The following ALKBH1 variants were observed in gnomAD, a reference collection of about 807,000 sequenced individuals.
The protein encoded by ALKBH1 is nucleic acid dioxygenase ALKBH1.
A neutral mutation model predicts 36.6 loss-of-function variants in ALKBH1; 31 were observed. The observed-to-expected ratio is 0.85, with a 90% confidence interval of 0.64 to 1.14. The LOEUF (loss-of-function observed/expected upper bound fraction) is 1.14. ALKBH1 is among the 50% of genes most tolerant of loss of function. The probability of loss-of-function intolerance (pLI) is 0.00; values close to 1 mark genes in which losing one functional copy is unlikely to be tolerated. For synonymous variants in ALKBH1, 183 were observed against 186.6 expected, an observed-to-expected ratio of 0.98 and a Z score of 0.16; for missense variants, 490 against 497.3, an observed-to-expected ratio of 0.99 and a Z score of 0.14.
intron 2 of ALKBH1, among the ~76,000 whole-genome samples, chr14:77,696,387 A>G (rs2080327186): frequency 1.3e-5 from 2 of 152,060 alleles, no homozygotes; most frequent in Admixed American, 1.3e-4. Flanking sequence ...ACGGGGTTTC[A>G]CCATATTGGC....
At chr14:77,680,079 C>A in intron 3 of ALKBH1, 109 bp from the exon 4 acceptor site, 1 of 777,082 alleles carries the variant, frequency 1.3e-6, no homozygotes, top group Non-Finnish European at 2.2e-6. Flanking sequence ...AAGCCGTTAG[C>A]CAAGACTCAG....
chr14:77,679,343 A>C (rs1473251074), intron 4 of ALKBH1, among the ~76,000 whole-genome samples: 1 of 152,222 alleles, frequency 6.6e-6, no homozygotes, highest in Non-Finnish European at 1.5e-5. Flanking sequence ...TCTTGAAAAG[A>C]GTTCTATATT....
Position 77,679,253 on chromosome 14 carries a change from TAAAAA to T in ALKBH1, c.546+622_546+626del, listed in dbSNP as rs527446912. Among the ~76,000 whole-genome samples the T allele has an allele frequency of 8.1e-3, 1,229 of 151,484 alleles. 18 individuals are homozygous for T. Among genetic ancestry groups the T allele is most frequent in the African/African-American group, 0.029 (1,180 of 41,288 alleles). ...GTGGCTTTTGTTGCACAATAAAAAT[TAAAAA>T]AAAGAAAAAGAAAAAGAAAAATATA... On this transcript the variant is annotated intron_variant, in intron 4 of 5. Transcript: ENST00000216489.
chr14:77,686,467 C>G (rs1358656105), intron 3 of ALKBH1, among the ~76,000 whole-genome samples: 4 of 152,016 alleles, frequency 2.6e-5, no homozygotes, highest in African/African-American at 9.7e-5. Flanking sequence ...AAAAAAGAAA[C>G]ATGCTATGCT....
rs1392256830 is a variant in ALKBH1, at chr14:77,676,090, G to A, written c.547-241C>T. Among the ~76,000 whole-genome samples, 4 of 150,198 alleles carry A rather than the reference G, an allele frequency of 2.7e-5. No individual in the cohort carries two copies. In the East Asian group the frequency reaches 5.8e-4, roughly 22 times the overall value. On this transcript the variant is annotated intron_variant, in intron 4 of 5. Coordinates refer to ENST00000216489, the MANE Select transcript of ALKBH1 (RefSeq NM_006020.3). The stretch of plus-strand genomic sequence containing the variant: ...TGGCTCACTGTAGCCTAGACCTCCT[G>A]GGCTCAGTGATCCTCCTACCTTAGT...
chr14:77,678,659 T>A (rs1369571482), intron 4 of ALKBH1, among the ~76,000 whole-genome samples: 2 of 152,064 alleles, frequency 1.3e-5, no homozygotes, highest in African/African-American at 4.8e-5. Flanking sequence ...TGGTGGCAAA[T>A]GTCTAATTGA....
rs565810459 is a variant in ALKBH1, at chr14:77,692,396, G to T, written c.455+2342C>A. ...AGAATTTGTCCATGGATGGAGTGGG[G>T]ATGGGGGGTGGTTTGGGGATGAAAA... On this transcript the variant is annotated intron_variant, in intron 3 of 5. Transcript: ENST00000216489. Among the ~76,000 whole-genome samples, 6 of 150,968 alleles carry T rather than the reference G, an allele frequency of 4.0e-5. No homozygotes were observed. In the East Asian group the frequency reaches 1.2e-3, roughly 29 times the overall value.
At chr14:77,674,320 C>T in intron 5 of ALKBH1, 79 bp from the exon 6 acceptor site, 4 of 1,366,940 alleles carry the variant, frequency 2.9e-6, no homozygotes, top group Middle Eastern at 2.1e-4. Context: ...AAAGTTACTG[C>T]CAACTGTGTT....
intron 4 of ALKBH1, among the ~76,000 whole-genome samples, chr14:77,677,705 C>CAA (rs774381805): frequency 5.7e-4 from 87 of 152,254 alleles, no homozygotes; most frequent in Non-Finnish European, 9.1e-4. Context: ...TGGAACTTTT[C>CAA]TGTTTTTCAT....
At chr14:77,680,833 C>A (rs1226855387) in intron 3 of ALKBH1, among the ~76,000 whole-genome samples, 4 of 152,118 alleles carry the variant, frequency 2.6e-5, no homozygotes, top group African/African-American at 9.7e-5. Context: ...GCATGCACCA[C>A]TACGCCCAGC....
chr14:77,707,543 A>C (rs1031845239), intron 1 of ALKBH1, among the ~76,000 whole-genome samples: 1 of 152,122 alleles, frequency 6.6e-6, no homozygotes, highest in Non-Finnish European at 1.5e-5. Context: ...ACCCAAACAG[A>C]AATGTGAGGA....
chr14:77,691,912 C>A (rs2139856228), intron 3 of ALKBH1: 1 of 152,282 alleles, frequency 6.6e-6, no homozygotes, highest in African/African-American at 2.4e-5. Context: ...CCCCTGCTCT[C>A]AGTTGCGAAG....
intron 4 of ALKBH1, among the ~76,000 whole-genome samples, chr14:77,676,618 G>T (rs1216534033): frequency 6.6e-6 from 1 of 152,132 alleles, no homozygotes; most frequent in Non-Finnish European, 1.5e-5. Context: ...AAGTACAAAT[G>T]CTATTACAGT....
chr14:77,704,187 T>C (rs1481335647), intron 2 of ALKBH1, among the ~76,000 whole-genome samples, 182 bp downstream of exon 2: 1 of 152,198 alleles, frequency 6.6e-6, no homozygotes, highest in Non-Finnish European at 1.5e-5. Flanking sequence ...TCCTGTTCTA[T>C]CCTTTCAAAA....
rs1386407293 is a variant in ALKBH1 at position 77,694,770 on chromosome 14, T to C, written c.423A>G (p.Gln141=). 1 of 1,604,788 alleles carries C rather than the reference T, an allele frequency of 6.2e-7. No individual in the cohort carries two copies. Among genetic ancestry groups the C allele is most frequent in the Non-Finnish European group, 8.5e-7 (1 of 1,176,428 alleles). The part of the protein sequence containing the change: ...LDKHMSKEET[Q]DLWEQSKEFL... ...ACTCTTTGCTCTGTTCCCACAGATC[T>C]TGGGTCTCTTCTTTAGACATGTGTT... Residue 141 remains glutamine, a synonymous_variant, in exon 3 of 6, where the codon CAA becomes CAG. Transcript: ENST00000216489.
chr14:77,704,575 G>T, intron 1 of ALKBH1, 98 bp from the exon 2 acceptor site: 1 of 887,248 alleles, frequency 1.1e-6, no homozygotes, highest in Non-Finnish European at 1.8e-6. Flanking sequence ...ATGAGGCAAA[G>T]CTAGGATTCT....
At position 77,704,362 on chromosome 14, in the gene ALKBH1, C is replaced by T. The variant is rs1423555118; in HGVS notation, c.292+7G>A. ...ATATTGCCTTCTCTGAGGTCAGTTACACTCACCAGGATAGCCTTTGAGTCC... is the reference window on the plus strand; with the variant it reads ...ATATTGCCTTCTCTGAGGTCAGTTATACTCACCAGGATAGCCTTTGAGTCC... On this transcript the variant is annotated splice_region_variant and intron_variant, in intron 2 of 5. Transcript: ENST00000216489. 2 of 1,598,150 alleles carry T rather than the reference C, an allele frequency of 1.3e-6. No individual in the cohort carries two copies. Among genetic ancestry groups the T allele is most frequent in the Admixed American group, 1.7e-5 (1 of 60,002 alleles).
At chr14:77,692,372 G>T (rs1302766110) in intron 3 of ALKBH1, among the ~76,000 whole-genome samples, 1 of 151,400 alleles carries the variant, frequency 6.6e-6, no homozygotes, top group Non-Finnish European at 1.5e-5. Context: ...TCATGGAAGA[G>T]AATTTGTCCA....
At chr14:77,693,612 T>G (rs1453907297) in intron 3 of ALKBH1, among the ~76,000 whole-genome samples, 1 of 152,220 alleles carries the variant, frequency 6.6e-6, no homozygotes, top group Non-Finnish European at 1.5e-5. Flanking sequence ...AGAGACTTTT[T>G]ACTTTTCTGA....
Sources: gnomAD v4.1 joint callset for allele counts (sites outside exome capture counted in the v4.1 genomes callset) on GRCh38, gnomAD v4.1.1 for gene constraint, MANE v1.5 for transcripts, NCBI Gene and HGNC (gene_info 2026-07-23, HGNC 2026-07-21) for gene names.